TMEM87B: variants seen among roughly 807,000 people sequenced by gnomAD.
TMEM87B encodes transmembrane protein 87B.
In TMEM87B, 83 loss-of-function variants were observed where a neutral mutation model predicts 80.3. That is an observed-to-expected ratio of 1.03 (90% CI 0.87 to 1.24). TMEM87B has a LOEUF of 1.24. Ranked by LOEUF, TMEM87B falls within the 50% of genes most tolerant of loss-of-function variation. TMEM87B has a pLI of 0.00. For missense variants in TMEM87B, 625 were observed against 674.4 expected, an observed-to-expected ratio of 0.93 and a Z score of 0.81; for synonymous variants, 219 against 230.5, an observed-to-expected ratio of 0.95 and a Z score of 0.45.
chr2:112,091,113 G>A (rs1262025327), intron 10 of TMEM87B, among the ~76,000 whole-genome samples: 2 of 152,006 alleles, frequency 1.3e-5, no homozygotes, highest in Non-Finnish European at 2.9e-5. Flanking sequence ...TGTGGCACAC[G>A]CCTGTAATCC....
intron 11 of TMEM87B, among the ~76,000 whole-genome samples, chr2:112,096,281 C>T (rs1393261995): frequency 6.6e-6 from 1 of 152,170 alleles, no homozygotes; most frequent in Non-Finnish European, 1.5e-5. Context: ...CAGCCTGAGC[C>T]AATACACAGC....
At chr2:112,071,097 T>G (rs1166795246) in intron 4 of TMEM87B, among the ~76,000 whole-genome samples, 1 of 152,176 alleles carries the variant, frequency 6.6e-6, no homozygotes, top group African/African-American at 2.4e-5. Flanking sequence ...GTGCTGGGAT[T>G]ACAGGCATGA....
chr2:112,094,953 G>A lies in TMEM87B; in HGVS notation c.1105-2091G>A, dbSNP rs573698072. The stretch of plus-strand genomic sequence containing the variant: ...GAAAAAAAAAAGCAGAACTAAATAC[G>A]TATACAATTGAGTGCTTTGGAAAAT... On this transcript the variant is annotated intron_variant, in intron 11 of 18. Transcript: ENST00000283206. Among the ~76,000 whole-genome samples the A allele has an allele frequency of 4.0e-3, 598 of 151,354 alleles. 5 individuals carry two copies. Among genetic ancestry groups the A allele is most frequent in the African/African-American group, 0.014 (574 of 41,322 alleles).
At chr2:112,085,930 C>A in intron 8 of TMEM87B, 75 bp from the exon 9 acceptor site, 1 of 1,190,612 alleles carries the variant, frequency 8.4e-7, no homozygotes, top group Non-Finnish European at 1.2e-6. Context: ...ATACACAGGA[C>A]ATGTTGTTGA....
Position 112,057,344 on chromosome 2 carries a change from T to C in TMEM87B, c.165+1588T>C, listed in dbSNP as rs551239750. Among the ~76,000 whole-genome samples the C allele has an allele frequency of 8.7e-4, 133 of 152,194 alleles. 1 individual carries two copies. Among genetic ancestry groups the C allele is most frequent in the South Asian group, 5.2e-3 (25 of 4,820 alleles). ...GCTGGAGTGCAGTGGCACAGTCATATGGCTCACTGCAGCCTCAAACTCCTG... is the reference window on the plus strand; with the variant it reads ...GCTGGAGTGCAGTGGCACAGTCATACGGCTCACTGCAGCCTCAAACTCCTG... On this transcript the variant is annotated intron_variant, in intron 1 of 18. Coordinates refer to ENST00000283206, the MANE Select transcript of TMEM87B (RefSeq NM_032824.3).
chr2:112,087,529 T>A (rs1679184079), intron 9 of TMEM87B, among the ~76,000 whole-genome samples: 1 of 151,998 alleles, frequency 6.6e-6, no homozygotes, highest in African/African-American at 2.4e-5. Flanking sequence ...CTGGACCGCA[T>A]GAACCACTTT....
At chr2:112,058,977 G>T (rs1454083059) in intron 1 of TMEM87B, among the ~76,000 whole-genome samples, 1 of 152,208 alleles carries the variant, frequency 6.6e-6, no homozygotes, top group African/African-American at 2.4e-5. Context: ...AGAGGAGTGT[G>T]TCTGGTTTAA....
chr2:112,055,829 C>T, intron 1 of TMEM87B, 73 bp downstream of exon 1: 1 of 1,425,508 alleles, frequency 7.0e-7, no homozygotes, highest in Non-Finnish European at 9.2e-7. Flanking sequence ...TCGCTTGACC[C>T]CGGGCTTGTT....
chr2:112,100,973 G>A (rs1477871520), intron 15 of TMEM87B, among the ~76,000 whole-genome samples: 1 of 152,096 alleles, frequency 6.6e-6, no homozygotes, highest in Non-Finnish European at 1.5e-5. Flanking sequence ...GTGCTTAGCT[G>A]CTAAATAATG....
At chr2:112,086,629 C>T (rs1000720662) in intron 9 of TMEM87B, among the ~76,000 whole-genome samples, 1 of 152,170 alleles carries the variant, frequency 6.6e-6, no homozygotes, top group Non-Finnish European at 1.5e-5. Context: ...ACCTTTCTTC[C>T]TGCTTCTTTC....
chr2:112,095,267 C>A (rs1425877894), intron 11 of TMEM87B: 1 of 962,432 alleles, frequency 1.0e-6, no homozygotes, highest in Non-Finnish European at 1.2e-6. Context: ...CAGCCTCCCC[C>A]TCTCTCTCCT....
chr2:112,067,110 G>A, intron 4 of TMEM87B, 43 bp downstream of exon 4: 1 of 1,594,348 alleles, frequency 6.3e-7, no homozygotes, highest in Non-Finnish European at 8.5e-7. Context: ...TTTATTCCCA[G>A]TGAATACAAG....
At chr2:112,103,418 A>G (rs1461055296) in intron 15 of TMEM87B, among the ~76,000 whole-genome samples, 1 of 151,416 alleles carries the variant, frequency 6.6e-6, no homozygotes, top group Admixed American at 6.6e-5. Context: ...TAGCTGACTT[A>G]AAAAAAAATA....
At chr2:112,077,623 G>A (rs1482307163) in intron 6 of TMEM87B, among the ~76,000 whole-genome samples, 1 of 152,158 alleles carries the variant, frequency 6.6e-6, no homozygotes, top group Non-Finnish European at 1.5e-5. Flanking sequence ...AGTAGGTTAT[G>A]TTCTCTGTTT....
At chr2:112,084,240 C>T (rs1278601928) in intron 8 of TMEM87B, among the ~76,000 whole-genome samples, 1 of 152,172 alleles carries the variant, frequency 6.6e-6, no homozygotes, top group African/African-American at 2.4e-5. Flanking sequence ...ATTGACAGCA[C>T]ACTCATCCCT....
chr2:112,067,078 G>T lies in TMEM87B; in HGVS notation c.450+11G>T. The T allele has an allele frequency of 1.9e-6, 3 of 1,606,086 alleles. No individual in the cohort carries two copies. The South Asian group carries it at 3.4e-5, about 18-fold the overall frequency. On this transcript the variant is annotated intron_variant, in intron 4 of 18. Coordinates refer to ENST00000283206, the MANE Select transcript of TMEM87B (RefSeq NM_032824.3). ...TTTCCCTCTTTGAATGTGAGTATCT[G>T]ACTTGCCATGTTAAAGTTTATTTTA... is the stretch of plus-strand genomic sequence containing the variant.
intron 8 of TMEM87B, among the ~76,000 whole-genome samples, chr2:112,082,446 T>C (rs1679026489): frequency 6.6e-6 from 1 of 152,150 alleles, no homozygotes; most frequent in South Asian, 2.1e-4. Context: ...TGAATTGGAC[T>C]ATAGATGAAA....
At chr2:112,091,888 A>C (rs542976712) in intron 11 of TMEM87B, 105 bp downstream of exon 11, 2 of 865,786 alleles carry the variant, frequency 2.3e-6, no homozygotes, top group Non-Finnish European at 3.6e-6. Flanking sequence ...CATTTTTGTT[A>C]CCTTAATACG....
chr2:112,061,464 G>A (rs962598769), intron 2 of TMEM87B, among the ~76,000 whole-genome samples: 21 of 152,188 alleles, frequency 1.4e-4, no homozygotes, highest in Non-Finnish European at 2.8e-4. Flanking sequence ...CCAGCAGCTA[G>A]AAAGCAGAGG....
Sources: gnomAD v4.1 joint callset for allele counts (sites outside exome capture counted in the v4.1 genomes callset) on GRCh38, gnomAD v4.1.1 for gene constraint, MANE v1.5 for transcripts, NCBI Gene and HGNC (gene_info 2026-07-23, HGNC 2026-07-21) for gene names.